CCDC18: variants seen among roughly 807,000 people sequenced by gnomAD.
CCDC18 encodes the protein coiled-coil domain-containing protein 18.
In CCDC18, 157 loss-of-function variants were observed where a neutral mutation model predicts 196.0. That is an observed-to-expected ratio of 0.80 (90% confidence interval 0.70 to 0.91). The LOEUF (loss-of-function observed/expected upper bound fraction) is 0.91. Ranked by LOEUF, CCDC18 falls within the 40% of genes least tolerant of loss-of-function variation. The pLI is 0.00. For synonymous variants in CCDC18, 482 were observed against 529.2 expected (o/e 0.91, Z 1.22); for missense variants, 1,465 against 1,611.6 (o/e 0.91, Z 1.56).
At chr1:93,260,183 A>C (rs1323057403) in intron 26 of CCDC18, among the ~76,000 whole-genome samples, 1 of 152,190 alleles carries the variant, frequency 6.6e-6, no homozygotes, top group East Asian at 1.9e-4. Context: ...CAGGAGTTCG[A>C]GACCAGCCTG....
At chr1:93,275,242 G>A (rs1182047429) in intron 28 of CCDC18, among the ~76,000 whole-genome samples, 1 of 152,066 alleles carries the variant, frequency 6.6e-6, no homozygotes, top group Admixed American at 6.5e-5. Flanking sequence ...TAAGTAGCTG[G>A]GATTACAGGC....
At position 93,246,316 on chromosome 1, in the gene CCDC18, T is replaced by C. The variant is rs2100943189; in HGVS notation, c.3081+112T>C. 8.2e-6 allele frequency: 5 copies of C among 612,738 alleles called. No homozygotes were observed. In the East Asian group the frequency reaches 1.4e-4, roughly 17 times the overall value. 38.0% of individuals were successfully genotyped at this position (612,738 alleles called of 1,614,324 possible). Reference sequence around the variant, plus strand: ...ATGGGCATTTTTATAGCATATCTTTTCTCTGCACATAGGGTTTACTAAATT... The same window carrying C: ...ATGGGCATTTTTATAGCATATCTTTCCTCTGCACATAGGGTTTACTAAATT... On this transcript the variant is annotated intron_variant, in intron 22 of 28. Coordinates refer to ENST00000690025, the MANE Select transcript of CCDC18 (RefSeq NM_001378204.1).
At chr1:93,211,657 G>C (rs1254026949) in intron 10 of CCDC18, among the ~76,000 whole-genome samples, 1 of 152,158 alleles carries the variant, frequency 6.6e-6, no homozygotes, top group African/African-American at 2.4e-5. Flanking sequence ...TATTGAGATA[G>C]AGTAGATTAA....
intron 28 of CCDC18, 75 bp downstream of exon 28, chr1:93,270,889 C>A (rs1665200723): frequency 7.3e-7 from 1 of 1,377,696 alleles, no homozygotes; most frequent in Non-Finnish European, 9.5e-7. Context: ...GAAGAAAATT[C>A]ATATATTTAA....
At chr1:93,196,516 C>T (rs1201398619) in intron 6 of CCDC18, among the ~76,000 whole-genome samples, 1 of 152,110 alleles carries the variant, frequency 6.6e-6, no homozygotes, top group African/African-American at 2.4e-5. Flanking sequence ...GATATAAAGA[C>T]TCTAAACTTA....
At chr1:93,192,144 C>A in intron 5 of CCDC18, 38 bp downstream of exon 5, 1 of 1,302,042 alleles carries the variant, frequency 7.7e-7, no homozygotes, top group African/African-American at 1.5e-5. Flanking sequence ...GTTTTATTTT[C>A]TACTTATACA....
intron 9 of CCDC18, among the ~76,000 whole-genome samples, chr1:93,208,679 T>C (rs1655117616): frequency 6.6e-6 from 1 of 151,924 alleles, no homozygotes; most frequent in East Asian, 1.9e-4. Flanking sequence ...ATTTTTTTTC[T>C]TTTTTTGAGA....
At chr1:93,181,291 C>CT (rs1649634508) in intron 1 of CCDC18, among the ~76,000 whole-genome samples, 1 of 130,508 alleles carries the variant, frequency 7.7e-6, no homozygotes, top group Non-Finnish European at 1.5e-5. Flanking sequence ...GTTATGACTT[C>CT]TTTCCAAAAT....
intron 23 of CCDC18, among the ~76,000 whole-genome samples, 167 bp downstream of exon 23, chr1:93,247,121 C>T (rs953401541): frequency 6.6e-6 from 1 of 151,648 alleles, no homozygotes; most frequent in South Asian, 2.1e-4. Context: ...AGCAGTGACA[C>T]GTGATCATAC....
chr1:93,234,648 G>T (rs1287504379), intron 18 of CCDC18, among the ~76,000 whole-genome samples: 1 of 141,252 alleles, frequency 7.1e-6, no homozygotes, highest in African/African-American at 3.1e-5. Flanking sequence ...GTTCCATTTT[G>T]CATCTTCAGA....
At chr1:93,271,544 C>A (rs139100616) in intron 28 of CCDC18, 7 of 984,996 alleles carry the variant, frequency 7.1e-6, no homozygotes, top group East Asian at 2.3e-4. Context: ...TAAATTCATA[C>A]CCACTCTAAG....
Position 93,270,475 on chromosome 1 carries a change from TA to T in CCDC18, c.4017del (p.Lys1339AsnfsTer40). The T allele has an allele frequency of 6.4e-7, 1 of 1,550,418 alleles. No individual in the cohort carries two copies. Among genetic ancestry groups the T allele is most frequent in the Non-Finnish European group, 8.7e-7 (1 of 1,146,886 alleles). On this transcript the variant is annotated frameshift_variant, in exon 28 of 29. Coordinates refer to ENST00000690025, the MANE Select transcript of CCDC18 (RefSeq NM_001378204.1). LOFTEE classifies it high-confidence loss of function. ...CTGATGTTCAAGATCCAAAATTTGC[TA>T]AATGTTTTCACACATCTTTTTCCAA... The part of the protein sequence containing the change: ...MPDVQDPKFA[K>X]CFHTSFSKCT...
chr1:93,223,050 G>A (rs983391174), intron 16 of CCDC18, among the ~76,000 whole-genome samples: 3 of 152,072 alleles, frequency 2.0e-5, no homozygotes, highest in African/African-American at 7.2e-5. Flanking sequence ...ATTTCCCTGT[G>A]TAAGAATAGC....
chr1:93,276,173 G>A (rs754345037), intron 28 of CCDC18, among the ~76,000 whole-genome samples: 2 of 152,224 alleles, frequency 1.3e-5, no homozygotes, highest in Admixed American at 6.5e-5. Flanking sequence ...TGTGGAAACC[G>A]ATACATGAGA....
chr1:93,205,781 GTTAGAA>G (rs937498972), intron 8 of CCDC18, 150 bp downstream of exon 8: 35 of 697,724 alleles, frequency 5.0e-5, no homozygotes, highest in Admixed American at 1.9e-4. Flanking sequence ...TAGCTATAGA[GTTAGAA>G]TTAGAAGTGA....
intron 6 of CCDC18, among the ~76,000 whole-genome samples, chr1:93,198,030 T>G (rs978438255): frequency 5.3e-5 from 8 of 151,904 alleles, no homozygotes; most frequent in African/African-American, 1.9e-4. Flanking sequence ...GGATTACAGG[T>G]GTGAGCCACC....
intron 17 of CCDC18, among the ~76,000 whole-genome samples, chr1:93,229,032 C>T (rs898381756): frequency 6.6e-6 from 1 of 152,154 alleles, no homozygotes; most frequent in African/African-American, 2.4e-5. Flanking sequence ...AAGCAATTCT[C>T]CTGCCTCAGC....
chr1:93,189,102 C>A (rs189828346), intron 4 of CCDC18, among the ~76,000 whole-genome samples: 45 of 152,254 alleles, frequency 3.0e-4, no homozygotes, highest in Admixed American at 1.4e-3. Context: ...CATTAACCAT[C>A]CCCACCTCTC....
In CCDC18 at chr1:93,200,916, T is replaced by C. The variant is rs148153194; in HGVS notation, c.699-976T>C. ...TTTAAGTGAGAAATACAGGTATCCTTTGATCTGAACAGTACCTGTGCACAC... is the reference window on the plus strand; with the variant it reads ...TTTAAGTGAGAAATACAGGTATCCTCTGATCTGAACAGTACCTGTGCACAC... On this transcript the variant is annotated intron_variant, in intron 6 of 28. Transcript: ENST00000690025. Among the ~76,000 whole-genome samples, 72 of 152,354 alleles carry C rather than the reference T, an allele frequency of 4.7e-4. No individual in the cohort carries two copies. In the East Asian group the frequency reaches 0.012, roughly 24 times the overall value.
Sources: allele counts gnomAD v4.1 joint callset (sites outside exome capture counted in the v4.1 genomes callset), GRCh38; gene constraint gnomAD v4.1.1; transcripts MANE v1.5; gene names NCBI Gene and HGNC (gene_info 2026-07-23, HGNC 2026-07-21).